Variants in CFAP221 observed in about 807,000 individuals in gnomAD.
CFAP221 encodes the protein cilia- and flagella-associated protein 221.
CFAP221 carries 97 observed loss-of-function variants against 113.1 expected under a neutral mutation model. The observed-to-expected ratio is 0.86, with a 90% confidence interval of 0.73 to 1.02. The LOEUF is 1.02. Among genes scored for constraint, CFAP221 ranks in the 50% least tolerant of loss-of-function variants. The pLI is 0.00. For missense variants in CFAP221, 1,025 were observed against 1,013.4 expected, an observed-to-expected ratio of 1.01 and a Z score of -0.16; for synonymous variants, 331 against 354.4, an observed-to-expected ratio of 0.93 and a Z score of 0.74.
At chr2:119,582,312 C>T (rs192620839) in intron 6 of CFAP221, among the ~76,000 whole-genome samples, 2 of 152,230 alleles carry the variant, frequency 1.3e-5, no homozygotes, top group East Asian at 3.9e-4. Flanking sequence ...TAAGCTAAAA[C>T]TACAACTCAA....
At chr2:119,576,337 T>C (rs1055682116) in intron 6 of CFAP221, among the ~76,000 whole-genome samples, 5 of 152,184 alleles carry the variant, frequency 3.3e-5, no homozygotes, top group African/African-American at 1.2e-4. Flanking sequence ...TTACTTTTCC[T>C]GCCCCTCTCC....
chr2:119,647,630 G>A (rs554814802), intron 22 of CFAP221, among the ~76,000 whole-genome samples: 4 of 152,088 alleles, frequency 2.6e-5, no homozygotes, highest in African/African-American at 9.7e-5. Context: ...ACACGTGTAC[G>A]TCCAGCTGGC....
At chr2:119,657,108 T>G (rs566732102), downstream of CFAP221, among the ~76,000 whole-genome samples, 4 of 152,306 alleles carry the variant, frequency 2.6e-5, no homozygotes, top group Non-Finnish European at 4.4e-5. Context: ...GTATTGTGTT[T>G]GTGAACATGA....
intron 3 of CFAP221, among the ~76,000 whole-genome samples, chr2:119,550,372 A>G (rs954966750): frequency 5.3e-5 from 8 of 152,364 alleles, no homozygotes; most frequent in Admixed American, 3.9e-4. Flanking sequence ...ACAGAGGAGA[A>G]CACAGTTTCC....
At position 119,630,789 on chromosome 2, in the gene CFAP221, C is replaced by T. The variant is rs753652051; in HGVS notation, c.1862C>T (p.Ala621Val). ...GAEDEVTTIT[A>V]LPKQDSTTQL... ...TAGGATGAAGTCACCACCATCACAG[C>T]CCTTCCGAAACAGGACTCCACAACT... Residue 621 changes from alanine to valine, a missense_variant, in exon 19 of 24, where the codon GCC (alanine) becomes GTC (valine). Coordinates refer to ENST00000413369, the MANE Select transcript of CFAP221 (RefSeq NM_001271049.2). The T allele has an allele frequency of 4.3e-5, 69 of 1,612,318 alleles. 1 individual carries two copies. In the East Asian group the frequency reaches 1.5e-3, roughly 35 times the overall value.
rs1419969213 is a variant in CFAP221 at position 119,652,065 on chromosome 2, G to C, written c.2410G>C (p.Glu804Gln). The change falls in exon 23 of 24, where the codon GAG (glutamate) becomes CAG (glutamine). Residue 804 changes from glutamate to glutamine, a missense_variant. Physicochemically the swap from Glu to Gln is conservative, Grantham distance 29. Coordinates refer to ENST00000413369, the MANE Select transcript of CFAP221 (RefSeq NM_001271049.2). ...GTTGAACTACAAGGACATCAGGAAG[G>C]AGAAGTAAGTGGATGCTTTTATGCC... ...PMLNYKDIRK[E>Q]KEVKDQAQPA... 6.2e-7 allele frequency: 1 copy of C among 1,609,502 alleles called. No homozygotes were observed. Among genetic ancestry groups the C allele is most frequent in the Non-Finnish European group, 8.5e-7 (1 of 1,176,450 alleles).
intron 8 of CFAP221, 72 bp downstream of exon 8, chr2:119,601,449 TTCTG>T (rs1684361483): frequency 2.3e-6 from 3 of 1,309,030 alleles, no homozygotes; most frequent in African/African-American, 1.5e-5. Context: ...CTTTCTTCCA[TTCTG>T]TCTTTCTTGT....
chr2:119,571,185 G>T (rs1043912466), intron 6 of CFAP221, among the ~76,000 whole-genome samples: 4 of 131,264 alleles, frequency 3.0e-5, no homozygotes, highest in African/African-American at 1.2e-4. Flanking sequence ...TTGTCACCCA[G>T]GCTAGAGTGC....
intron 19 of CFAP221, 27 bp from the exon 20 acceptor site, chr2:119,638,232 A>G (rs749220521): frequency 1.2e-6 from 2 of 1,612,654 alleles, no homozygotes; most frequent in East Asian, 2.2e-5. Context: ...TAAACAGAAA[A>G]GAATATTTTT....
intron 7 of CFAP221, among the ~76,000 whole-genome samples, chr2:119,598,788 G>C (rs1314339618): frequency 1.3e-5 from 2 of 152,118 alleles, no homozygotes; most frequent in Non-Finnish European, 2.9e-5. Context: ...TGGTTGCCTA[G>C]ACTACACCTT....
intron 23 of CFAP221, among the ~76,000 whole-genome samples, chr2:119,653,102 CG>C: frequency 6.6e-6 from 1 of 151,168 alleles, no homozygotes; most frequent in Non-Finnish European, 1.5e-5. Context: ...ATATAAATAC[CG>C]GGCGTGGTGG....
intron 3 of CFAP221, among the ~76,000 whole-genome samples, chr2:119,558,043 C>T (rs1680948425): frequency 6.6e-6 from 1 of 151,504 alleles, no homozygotes; most frequent in African/African-American, 2.4e-5. Flanking sequence ...CATATTAAAA[C>T]CAGCTTATGC....
rs1367170058 is a variant in CFAP221 at position 119,604,658 on chromosome 2, G to A, written c.792-14G>A. On this transcript the variant is annotated splice_polypyrimidine_tract_variant and intron_variant, in intron 8 of 23. Transcript: ENST00000413369. ...TGGCTTATTTACTAATTTAACACTT[G>A]TTTTAACCTATAGATTAGAAGAGTT... The A allele has an allele frequency of 3.3e-6, 5 of 1,535,994 alleles. No individual in the cohort carries two copies. The East Asian group carries it at 1.2e-4, about 35-fold the overall frequency.
intron 23 of CFAP221, among the ~76,000 whole-genome samples, chr2:119,654,324 C>A (rs981492615): frequency 6.6e-6 from 1 of 152,158 alleles, no homozygotes; most frequent in Non-Finnish European, 1.5e-5. Flanking sequence ...GCACATAAAA[C>A]CTCTTGCACC....
intron 8 of CFAP221, among the ~76,000 whole-genome samples, chr2:119,604,242 TG>T (rs1684563809): frequency 6.6e-6 from 1 of 152,148 alleles, no homozygotes. Context: ...GAGACCATCC[TG>T]GCCAACATGG....
intron 11 of CFAP221, 131 bp from the exon 12 acceptor site, chr2:119,608,371 T>C (rs1574120186): frequency 3.4e-6 from 2 of 590,038 alleles, no homozygotes; most frequent in Non-Finnish European, 2.9e-6. Context: ...AACTAACTTC[T>C]CTATCCCATG....
intron 14 of CFAP221, among the ~76,000 whole-genome samples, chr2:119,623,783 A>C (rs1256710575): frequency 6.6e-6 from 1 of 152,236 alleles, no homozygotes; most frequent in African/African-American, 2.4e-5. Context: ...TTCTCTATTT[A>C]ATAAATGGTG....
rs368337791 is a variant in CFAP221 at position 119,552,333 on chromosome 2, A to G, written c.240+3148A>G. Among the ~76,000 whole-genome samples, 31 of 143,260 alleles carry G rather than the reference A, an allele frequency of 2.2e-4. No individual in the cohort carries two copies. In the East Asian group the frequency reaches 4.3e-3, roughly 20 times the overall value. The allele number at this position is 143,260 out of a possible 152,430, so 94.0% of individuals were successfully genotyped here. A position where few individuals can be genotyped will look rare whatever the true frequency, so the allele number is the denominator to read the frequency against. On this transcript the variant is annotated intron_variant, in intron 3 of 23. Transcript: ENST00000413369. Reference sequence around the variant, plus strand: ...TCTTTAATAAGAAATAAATAGAAATATTTCTTTCTTTAATAAGAAATAAAT... The same window carrying G: ...TCTTTAATAAGAAATAAATAGAAATGTTTCTTTCTTTAATAAGAAATAAAT...
At chr2:119,549,231 CA>C in intron 3 of CFAP221, 46 bp downstream of exon 3, 1 of 1,358,388 alleles carries the variant, frequency 7.4e-7, no homozygotes, top group Non-Finnish European at 1.0e-6. Context: ...AATGAAGTGA[CA>C]AAAATGTTCT....
Sources: allele counts gnomAD v4.1 joint callset (sites outside exome capture counted in the v4.1 genomes callset), GRCh38; gene constraint gnomAD v4.1.1; transcripts MANE v1.5; gene names NCBI Gene and HGNC (gene_info 2026-07-23, HGNC 2026-07-21).